The following SCOC variants were observed in gnomAD, a reference collection of about 807,000 sequenced individuals.
The protein encoded by SCOC is short coiled-coil protein, also known as short coiled coil protein.
A neutral mutation model predicts 9.9 loss-of-function variants in SCOC; 7 were observed. That is an observed-to-expected ratio of 0.71 (90% CI 0.40 to 1.33). The LOEUF (loss-of-function observed/expected upper bound fraction) is 1.33, where lower values mean the gene tolerates loss of function less well. Ranked by LOEUF, SCOC falls within the 40% of genes most tolerant of loss-of-function variation. The pLI is 0.01. For synonymous variants in SCOC, 19 were observed against 28.2 expected, an observed-to-expected ratio of 0.67 and a Z score of 1.03; for missense variants, 66 against 89.7, an observed-to-expected ratio of 0.74 and a Z score of 1.07.
chr4:140,343,565 G>T, intron 1 of SCOC: 1 of 1,089,424 alleles, frequency 9.2e-7, no homozygotes. Flanking sequence ...ATTTAACAAG[G>T]GCGGTCACAT....
At chr4:140,343,184 T>C (rs1726573925), upstream of SCOC, among the ~76,000 whole-genome samples, 2 of 152,184 alleles carry the variant, frequency 1.3e-5, no homozygotes, top group African/African-American at 4.8e-5. Context: ...TCTGAGGGTT[T>C]GTGACTTACC....
intron 2 of SCOC, among the ~76,000 whole-genome samples, chr4:140,356,552 A>G (rs1235567212): frequency 6.6e-6 from 1 of 152,184 alleles, no homozygotes; most frequent in Non-Finnish European, 1.5e-5. Context: ...CTTGACTTTC[A>G]TAACTTTAAA....
At chr4:140,313,052 T>A (rs566710924) in intron 1 of SCOC, among the ~76,000 whole-genome samples, 6 of 152,336 alleles carry the variant, frequency 3.9e-5, no homozygotes, top group African/African-American at 1.2e-4. Context: ...GTTCTGTTTC[T>A]CTTTTCCAGC....
intron 2 of SCOC, among the ~76,000 whole-genome samples, chr4:140,362,309 T>TTTTTTTTTTTTTTC (rs1727591818): frequency 1.6e-5 from 1 of 64,132 alleles, no homozygotes; most frequent in African/African-American, 4.7e-5. Context: ...CTTTTTTTTT[T>TTTTTTTTTTTTTTC]TTTTTTGTGA....
At chr4:140,359,534 G>A (rs1325472302) in intron 2 of SCOC, among the ~76,000 whole-genome samples, 1 of 152,122 alleles carries the variant, frequency 6.6e-6, no homozygotes, top group Non-Finnish European at 1.5e-5. Context: ...CAAGGGGAAG[G>A]AACGTAGGAG....
intron 1 of SCOC, among the ~76,000 whole-genome samples, chr4:140,324,734 A>G (rs183719320): frequency 6.6e-6 from 1 of 152,226 alleles, no homozygotes; most frequent in East Asian, 1.9e-4. Flanking sequence ...GGAAGCATTA[A>G]TATTATTAAG....
At chr4:140,340,778 C>T (rs1726482434), upstream of SCOC, among the ~76,000 whole-genome samples, 1 of 106,096 alleles carries the variant, frequency 9.4e-6, no homozygotes, top group African/African-American at 4.7e-5. Flanking sequence ...AGCAATGCTG[C>T]CTAACTTTTT....
At chr4:140,375,280 G>A (rs996339898) in intron 1 of SCOC, among the ~76,000 whole-genome samples, 2 of 152,184 alleles carry the variant, frequency 1.3e-5, no homozygotes, top group African/African-American at 4.8e-5. Context: ...TAGAGAAGAC[G>A]ATAGCAGACA....
Position 140,373,680 on chromosome 4 carries a change from G to A in SCOC, c.-88G>A, listed in dbSNP as rs1393987434. 3 of 1,550,708 alleles carry A rather than the reference G, an allele frequency of 1.9e-6. No homozygotes were observed. Among genetic ancestry groups the A allele is most frequent in the Non-Finnish European group, 2.6e-6 (3 of 1,146,912 alleles). ...TCCAAGTGTCCCGGCCTGAGGTGTC[G>A]GCCGGATCCCTCCTTCTCCCGGCGC... On this transcript the variant is annotated 5_prime_UTR_variant, in exon 1 of 4. Transcript: ENST00000608372.
In SCOC at chr4:140,385,311, A is replaced by T. The variant is rs1345883991; in HGVS notation, c.*4207A>T. 2 of 152,332 alleles carry T rather than the reference A, an allele frequency of 1.3e-5. No homozygotes were observed. The highest frequency in any genetic ancestry group is 4.8e-5 in the African/African-American group (2 of 41,572). The allele number at this position is 152,332 out of a possible 1,614,324, so 9.4% of individuals were successfully genotyped here. A position where few individuals can be genotyped will look rare whatever the true frequency, so the allele number is the denominator to read the frequency against. ...ACCAATATGGTTTGGGGCAACACCT[A>T]TAATCAAGTATATTAACATTTCTGT... On this transcript the variant is annotated 3_prime_UTR_variant, in exon 4 of 4. Transcript: ENST00000608372.
intron 1 of SCOC, among the ~76,000 whole-genome samples, chr4:140,280,702 C>T (rs995807403): frequency 7.9e-5 from 12 of 152,196 alleles, no homozygotes; most frequent in African/African-American, 2.9e-4. Context: ...TTTTGACTTG[C>T]TCTGTATATA....
In SCOC at chr4:140,278,457, G is replaced by A. The variant is rs545292584; in HGVS notation, c.-19+21047G>A. Reference sequence around the variant, plus strand: ...TGGGACTATGGGTGTCTGCCACCACGCCTGGCTAATTTTTTGTATTTTTAG... The same window carrying A: ...TGGGACTATGGGTGTCTGCCACCACACCTGGCTAATTTTTTGTATTTTTAG... On this transcript the variant is annotated intron_variant, in intron 1 of 4. Coordinates refer to the SCOC transcript ENST00000394205. Among the ~76,000 whole-genome samples the A allele has an allele frequency of 2.2e-4, 33 of 152,206 alleles. No homozygotes were observed. In the South Asian group the frequency reaches 6.0e-3, roughly 28 times the overall value.
chr4:140,305,577 C>T (rs1019317814), intron 1 of SCOC, among the ~76,000 whole-genome samples: 1 of 152,124 alleles, frequency 6.6e-6, no homozygotes, highest in Non-Finnish European at 1.5e-5. Context: ...CAGATTGCAC[C>T]TATAACTTGC....
chr4:140,285,501 AGCT>A (rs1731240570), intron 1 of SCOC, among the ~76,000 whole-genome samples: 1 of 152,246 alleles, frequency 6.6e-6, no homozygotes, highest in Non-Finnish European at 1.5e-5. Context: ...GCAGGACAGG[AGCT>A]TTTGCTCACT....
chr4:140,267,342 G>C (rs578124206), intron 1 of SCOC, among the ~76,000 whole-genome samples: 5 of 152,158 alleles, frequency 3.3e-5, no homozygotes, highest in Non-Finnish European at 7.3e-5. Context: ...AGTGGCTTGA[G>C]ACCTTTGAAC....
chr4:140,290,460 C>A (rs1229050378), intron 1 of SCOC, among the ~76,000 whole-genome samples: 2 of 152,192 alleles, frequency 1.3e-5, no homozygotes, highest in African/African-American at 2.4e-5. Context: ...CCACTCATTT[C>A]CATCTTACAA....
chr4:140,282,568 T>G (rs1389997330), intron 1 of SCOC, among the ~76,000 whole-genome samples: 1 of 152,208 alleles, frequency 6.6e-6, no homozygotes, highest in Admixed American at 6.5e-5. Context: ...ATTAGACAGA[T>G]GCACAGAGAA....
intron 2 of SCOC, among the ~76,000 whole-genome samples, chr4:140,350,912 A>T (rs1427952191): frequency 6.6e-6 from 1 of 152,234 alleles, no homozygotes; most frequent in African/African-American, 2.4e-5. Context: ...GATCTGGGCC[A>T]GGAACAGTGG....
chr4:140,357,577 T>C (rs1727284571), intron 2 of SCOC, among the ~76,000 whole-genome samples: 2 of 152,260 alleles, frequency 1.3e-5, no homozygotes, highest in African/African-American at 2.4e-5. Flanking sequence ...TATTGCCATG[T>C]GGCTGGGCTC....
Sources: allele counts gnomAD v4.1 joint callset (sites outside exome capture counted in the v4.1 genomes callset), GRCh38; gene constraint gnomAD v4.1.1; transcripts MANE v1.5; gene names NCBI Gene and HGNC (gene_info 2026-07-23, HGNC 2026-07-21).